The following SMAD6 variants were observed in gnomAD, a reference collection of about 807,000 sequenced individuals.
SMAD6 encodes SMAD family member 6, also known as MAD homolog 6.
SMAD6 carries 103 observed loss-of-function variants against 39.4 expected under a neutral mutation model. The observed-to-expected ratio is 2.62, with a 90% CI of 2.23 to 3.08. SMAD6 has a LOEUF of 3.08. Among genes scored for constraint, SMAD6 ranks in the 30% most tolerant of loss-of-function variants. The pLI is 0.00. For missense variants in SMAD6, 1,104 were observed against 742.9 expected (o/e 1.49, Z -5.65); for synonymous variants, 445 against 353.3 (o/e 1.26, Z -2.91).
At chr15:66,726,144 C>A (rs990631257) in intron 3 of SMAD6, among the ~76,000 whole-genome samples, 4 of 152,182 alleles carry the variant, frequency 2.6e-5, no homozygotes, top group Non-Finnish European at 4.4e-5. Flanking sequence ...ACCTGCCCCC[C>A]ACCCTGGGAT....
rs769141833 is a variant in SMAD6, at chr15:66,703,211, G to C, written c.-48G>C. 9 of 1,305,130 alleles carry C rather than the reference G, an allele frequency of 6.9e-6. No homozygotes were observed. In the South Asian group the frequency reaches 1.8e-4, roughly 26 times the overall value. The allele number at this position is 1,305,130 out of a possible 1,614,324, so 80.8% of individuals were successfully genotyped here. ...GCCTCGCTGAGGGAACGGACCCCCG[G>C]TAACCGGAGACCGCCTCCCCCCCAC... is the stretch of plus-strand genomic sequence containing the variant. On this transcript the variant is annotated 5_prime_UTR_variant, in exon 1 of 4. Coordinates refer to ENST00000288840, the MANE Select transcript of SMAD6 (RefSeq NM_005585.5).
chr15:66,717,544 T>A (rs1324893286), intron 3 of SMAD6: 1 of 434,286 alleles, frequency 2.3e-6, no homozygotes, highest in South Asian at 1.6e-5. Context: ...TAAAGTCCTG[T>A]CGTTCTTGAT....
Position 66,711,803 on chromosome 15 carries a change from CAGGGCTGG to C in SMAD6, c.874+100_874+107del, listed in dbSNP as rs572798014. On this transcript the variant is annotated intron_variant, in intron 2 of 3. Coordinates refer to ENST00000288840, the MANE Select transcript of SMAD6 (RefSeq NM_005585.5). The stretch of plus-strand genomic sequence containing the variant: ...CTTCAGCCCAGTGTCTGTCCAGCCT[CAGGGCTGG>C]AGGGCTGGAGGGCTGGAGGGGAGGG... 56 of 1,224,788 alleles carry C rather than the reference CAGGGCTGG, an allele frequency of 4.6e-5. No individual in the cohort carries two copies. In the African/African-American group the frequency reaches 5.6e-4, roughly 12 times the overall value. 75.9% of individuals were successfully genotyped at this position (1,224,788 alleles called of 1,614,324 possible). A position where few individuals can be genotyped will look rare whatever the true frequency, so the allele number is the denominator to read the frequency against.
Position 66,781,625 on chromosome 15 carries a change from C to A in SMAD6, c.*90C>A. ...GGGCCGATGCCCAGAGACACAGCCC[C>A]CACGGACAAAACCCCCCAGATATCA... is the stretch of plus-strand genomic sequence containing the variant. On this transcript the variant is annotated 3_prime_UTR_variant, in exon 4 of 4. Transcript: ENST00000288840. 1 of 932,524 alleles carries A rather than the reference C, an allele frequency of 1.1e-6. No individual in the cohort carries two copies. The highest frequency in any genetic ancestry group is 1.5e-6 in the Non-Finnish European group (1 of 658,090). The allele number at this position is 932,524 out of a possible 1,614,324, so 57.8% of individuals were successfully genotyped here.
intron 3 of SMAD6, among the ~76,000 whole-genome samples, chr15:66,718,427 G>A (rs1893372835): frequency 6.6e-6 from 1 of 152,192 alleles, no homozygotes; most frequent in Non-Finnish European, 1.5e-5. Flanking sequence ...GAAGGTCCCT[G>A]CTACTCATGA....
chr15:66,744,051 A>G (rs1025360022), intron 3 of SMAD6, among the ~76,000 whole-genome samples: 1 of 152,118 alleles, frequency 6.6e-6, no homozygotes, highest in African/African-American at 2.4e-5. Flanking sequence ...TGTTCCTAGA[A>G]GTGGGATTGC....
rs746694781 is a variant in SMAD6 at position 66,711,697 on chromosome 15, T to C, written c.847T>C (p.Ser283Pro). Residue 283 changes from serine (S) to proline (P), a missense_variant, in exon 2 of 4, where the codon TCT becomes CCT. Coordinates refer to ENST00000288840, the MANE Select transcript of SMAD6 (RefSeq NM_005585.5). ...ESPPPPYSRLSPRDEYKPLDL... is the reference protein window; with the variant it reads ...ESPPPPYSRLPPRDEYKPLDL... ...TCCGCCACCTCCCTACTCTCGGCTG[T>C]CTCCTCGCGACGAGTACAAGCCACT... The C allele has an allele frequency of 1.2e-6, 2 of 1,613,686 alleles. No individual in the cohort carries two copies. The highest frequency in any genetic ancestry group is 1.3e-5 in the African/African-American group (1 of 74,722).
chr15:66,735,319 C>A (rs573045579), intron 3 of SMAD6, among the ~76,000 whole-genome samples: 1 of 152,342 alleles, frequency 6.6e-6, no homozygotes, highest in African/African-American at 2.4e-5. Flanking sequence ...CTTTCCCCAA[C>A]AAGAGCCTTC....
chr15:66,777,832 C>T (rs1172871649), intron 3 of SMAD6, among the ~76,000 whole-genome samples: 5 of 152,196 alleles, frequency 3.3e-5, no homozygotes, highest in Admixed American at 6.5e-5. Flanking sequence ...CCAAGGAAGC[C>T]GCAGGGGATG....
intron 3 of SMAD6, among the ~76,000 whole-genome samples, chr15:66,746,690 CTT>C (rs1893915148): frequency 1.3e-5 from 2 of 152,178 alleles, no homozygotes; most frequent in Admixed American, 6.5e-5. Context: ...GGCCTGGACA[CTT>C]TTGGCTGTGG....
chr15:66,762,932 A>T (rs1199417832), intron 3 of SMAD6, among the ~76,000 whole-genome samples: 1 of 152,042 alleles, frequency 6.6e-6, no homozygotes, highest in African/African-American at 2.4e-5. Context: ...TCACCAATAT[A>T]CCTGGCTTCC....
At chr15:66,759,943 C>A (rs928982511) in intron 3 of SMAD6, among the ~76,000 whole-genome samples, 13 of 152,192 alleles carry the variant, frequency 8.5e-5, no homozygotes, top group Admixed American at 7.2e-4. Context: ...TAGTCAAGGC[C>A]CGGCATGGTC....
chr15:66,766,516 GGA>G lies in SMAD6; in HGVS notation c.953-14480_953-14479del, dbSNP rs1437496578. 3.4e-3 allele frequency among the ~76,000 whole-genome samples: 523 copies of G among 152,248 alleles called. 1 individual carries two copies. The highest frequency in any genetic ancestry group is 5.7e-3 in the Non-Finnish European group (388 of 68,002). The stretch of plus-strand genomic sequence containing the variant: ...ATTGTTCTCAGCATTAAATGAGATG[GGA>G]TACGTGGACATAGATGCTCAGTAGC... On this transcript the variant is annotated intron_variant, in intron 3 of 3. Transcript: ENST00000288840.
At chr15:66,769,013 G>A (rs1170767964) in intron 3 of SMAD6, among the ~76,000 whole-genome samples, 1 of 152,224 alleles carries the variant, frequency 6.6e-6, no homozygotes, top group Non-Finnish European at 1.5e-5. Context: ...AGGGGCTGAG[G>A]AAGGCTTTCC....
chr15:66,726,226 T>C (rs1893519071), intron 3 of SMAD6, among the ~76,000 whole-genome samples: 1 of 152,148 alleles, frequency 6.6e-6, no homozygotes, highest in South Asian at 2.1e-4. Context: ...ATGTTGGGAA[T>C]GAGGCTTGGG....
chr15:66,718,896 G>A (rs1169470930), intron 3 of SMAD6, among the ~76,000 whole-genome samples: 1 of 152,222 alleles, frequency 6.6e-6, no homozygotes, highest in Non-Finnish European at 1.5e-5. Flanking sequence ...GGGCAGGACT[G>A]GAGGTGAAGT....
At chr15:66,761,580 T>G (rs1894199877) in intron 3 of SMAD6, among the ~76,000 whole-genome samples, 2 of 152,204 alleles carry the variant, frequency 1.3e-5, no homozygotes, top group Non-Finnish European at 2.9e-5. Context: ...TTGTCTCCGT[T>G]CCTTGGGCCT....
chr15:66,713,554 G>T (rs1223425661), intron 2 of SMAD6, among the ~76,000 whole-genome samples: 1 of 152,226 alleles, frequency 6.6e-6, no homozygotes, highest in Non-Finnish European at 1.5e-5. Flanking sequence ...TCCTGACCTT[G>T]TGATCTGCCC....
intron 3 of SMAD6, among the ~76,000 whole-genome samples, chr15:66,731,725 A>G (rs1893633261): frequency 6.6e-6 from 1 of 152,154 alleles, no homozygotes; most frequent in South Asian, 2.1e-4. Context: ...ATTTCAGTTC[A>G]CTTGAGTAAA....
Sources: gnomAD v4.1 joint callset for allele counts (sites outside exome capture counted in the v4.1 genomes callset) on GRCh38, gnomAD v4.1.1 for gene constraint, MANE v1.5 for transcripts, NCBI Gene and HGNC (gene_info 2026-07-23, HGNC 2026-07-21) for gene names.